The following C11orf24 variants were observed in gnomAD, a reference collection of about 807,000 sequenced individuals.
C11orf24 encodes uncharacterized protein C11orf24.
C11orf24 carries 5 observed loss-of-function variants against 7.3 expected under a neutral mutation model. The observed-to-expected ratio is 0.69, with a 90% CI of 0.36 to 1.45. C11orf24 has a LOEUF of 1.45. Among genes scored for constraint, C11orf24 ranks in the 40% most tolerant of loss-of-function variants. C11orf24 has a pLI of 0.03. For synonymous variants in C11orf24, 233 were observed against 235.7 expected (o/e 0.99, Z 0.11); for missense variants, 566 against 590.5 (o/e 0.96, Z 0.43).
rs752826933 is a variant in C11orf24 at position 68,262,421 on chromosome 11, G to T, written c.574C>A (p.Leu192Ile). Residue 192 changes from leucine (L) to isoleucine (I), a missense_variant, in exon 4 of 4, where the codon CTC (leucine) becomes ATC (isoleucine). By Grantham distance (5) the Leu-to-Ile change is conservative. Coordinates refer to ENST00000304271, the MANE Select transcript of C11orf24 (RefSeq NM_022338.4). ...ATGHPSLSTALAQVPKSSALP... is the reference protein window; with the variant it reads ...ATGHPSLSTAIAQVPKSSALP... ...GCGCTGCTCTTTGGCACTTGTGCGA[G>T]GGCTGTGCTGAGAGATGGATGCCCA... 10 of 1,614,078 alleles carry T rather than the reference G, an allele frequency of 6.2e-6. No homozygotes were observed. In the East Asian group the frequency reaches 2.0e-4, roughly 32 times the overall value.
Position 68,262,571 on chromosome 11 carries a change from C to G in C11orf24, c.424G>C (p.Val142Leu). The G allele has an allele frequency of 6.2e-7, 1 of 1,608,606 alleles. No individual in the cohort carries two copies. The highest frequency in any genetic ancestry group is 8.5e-7 in the Non-Finnish European group (1 of 1,175,970). ...GCAGTCGTGGGAGCAATGGAGGCCA[C>G]AGTTGTACTGGAGGCTGCAGTCGTG... The part of the protein sequence containing the change: ...APTTAASSTT[V>L]ASIAPTTAAS... Residue 142 changes from valine (V) to leucine (L), a missense_variant, in exon 4 of 4, where the codon GTG becomes CTG. Val to Leu is a conservative substitution (Grantham distance 32, BLOSUM62 1). Coordinates refer to ENST00000304271, the MANE Select transcript of C11orf24 (RefSeq NM_022338.4).
At position 68,261,717 on chromosome 11, in the gene C11orf24, C is replaced by G; in HGVS notation, c.1278G>C (p.Glu426Asp). 6.2e-7 allele frequency: 1 copy of G among 1,614,182 alleles called. No homozygotes were observed. The highest frequency in any genetic ancestry group is 8.5e-7 in the Non-Finnish European group (1 of 1,180,042). ...VLVLFALQAY[E>D]SYKKKDYTQV... ...GGGTGTAGTCCTTCTTCTTGTAGCT[C>G]TCATAGGCCTGCAGGGCAAACAAAA... is the stretch of plus-strand genomic sequence containing the variant. Residue 426 changes from glutamate (E) to aspartate (D), a missense_variant, in exon 4 of 4, where the codon GAG becomes GAC. Coordinates refer to ENST00000304271, the MANE Select transcript of C11orf24 (RefSeq NM_022338.4).
Position 68,262,652 on chromosome 11 carries a change from T to G in C11orf24, c.343A>C (p.Thr115Pro). 1 of 1,613,862 alleles carries G rather than the reference T, an allele frequency of 6.2e-7. No individual in the cohort carries two copies. Among genetic ancestry groups the G allele is most frequent in the Non-Finnish European group, 8.5e-7 (1 of 1,179,966 alleles). ...GCCGCAGTCGTAATGGAGGCCGCAG[T>G]CGTACTGGAGGCCACAGCCGTGGGA... ...IAPTAVASST[T>P]AASITTAASS... is the part of the protein sequence containing the mutation. Residue 115 changes from threonine to proline, a missense_variant, in exon 4 of 4, where the codon ACT becomes CCT. Transcript: ENST00000304271.
In C11orf24 at chr11:68,262,398, G is replaced by A. The variant is rs762847318; in HGVS notation, c.597C>T (p.Ser199=). ...STALAQVPKS[S]ALPRTATLAT... ...CCAGGGTTGCTGTTCTTGGCAACGC[G>A]CTGCTCTTTGGCACTTGTGCGAGGG... The change falls in exon 4 of 4, where the codon AGC becomes AGT. Residue 199 remains serine (S), a synonymous_variant. Coordinates refer to ENST00000304271, the MANE Select transcript of C11orf24 (RefSeq NM_022338.4). 47 of 1,614,062 alleles carry A rather than the reference G, an allele frequency of 2.9e-5. No homozygotes were observed. Among genetic ancestry groups the A allele is most frequent in the East Asian group, 4.5e-5 (2 of 44,906 alleles).
chr11:68,268,876 A>G (rs2098566534), intron 1 of C11orf24, among the ~76,000 whole-genome samples: 2 of 152,260 alleles, frequency 1.3e-5, no homozygotes, highest in South Asian at 4.1e-4. Context: ...TATATAAAAT[A>G]CTATGGCAAC....
intron 2 of C11orf24, among the ~76,000 whole-genome samples, chr11:68,266,519 C>T (rs1264240201): frequency 6.6e-6 from 1 of 152,192 alleles, no homozygotes; most frequent in African/African-American, 2.4e-5. Flanking sequence ...TCTGTAAGGG[C>T]TCCTAATGTG....
rs1371377108 is a variant in C11orf24, at chr11:68,262,049, C to T, written c.946G>A (p.Glu316Lys). Residue 316 changes from glutamate (E) to lysine (K), a missense_variant, in exon 4 of 4, where the codon GAG becomes AAG. Physicochemically the swap from Glu to Lys is moderately conservative, Grantham distance 56. Coordinates refer to ENST00000304271, the MANE Select transcript of C11orf24 (RefSeq NM_022338.4). ...GTCGTGGGGGACATGGCCTCCATCT[C>T]AGGGATTGGGCTGGTGTGAGGTACT... Reference protein sequence around the residue: ...VPVPHTSPIPEMEAMSPTTQP... With the variant: ...VPVPHTSPIPKMEAMSPTTQP... 6.2e-7 allele frequency: 1 copy of T among 1,613,584 alleles called. No individual in the cohort carries two copies. Among genetic ancestry groups the T allele is most frequent in the African/African-American group, 1.3e-5 (1 of 74,748 alleles).
rs199724794 is a variant in C11orf24, at chr11:68,261,817, G to A, written c.1178C>T (p.Thr393Ile). ...GAGAGTTTTGTCTACCACGGCCTGGGTGAGGGGCTCAGTGGTGACCACCAT... is the reference window on the plus strand; with the variant it reads ...GAGAGTTTTGTCTACCACGGCCTGGATGAGGGGCTCAGTGGTGACCACCAT... The part of the protein sequence containing the change: ...QYMVVTTEPL[T>I]QAVVDKTLLL... The change falls in exon 4 of 4, where the codon ACC becomes ATC. Residue 393 changes from threonine (T) to isoleucine (I), a missense_variant. Thr to Ile is a moderately conservative substitution (Grantham distance 89). Transcript: ENST00000304271. 1 of 1,614,208 alleles carries A rather than the reference G, an allele frequency of 6.2e-7. No individual in the cohort carries two copies. Among genetic ancestry groups the A allele is most frequent in the Admixed American group, 1.7e-5 (1 of 60,034 alleles).
intron 2 of C11orf24, 67 bp downstream of exon 2, chr11:68,267,987 G>C (rs943363295): frequency 3.3e-5 from 5 of 152,482 alleles, no homozygotes; most frequent in African/African-American, 4.8e-5. Flanking sequence ...ATCTTGCAAA[G>C]CTCCCTCTGG....
chr11:68,263,457 G>T lies in C11orf24; in HGVS notation c.76+235C>A. On this transcript the variant is annotated intron_variant, in intron 3 of 3. Coordinates refer to ENST00000304271, the MANE Select transcript of C11orf24 (RefSeq NM_022338.4). ...CAATTTAGAGATGACATCAAATCTT[G>T]CAGGCCAAGCGAGCAAACCTTTCAG... The T allele has an allele frequency of 1.3e-5, 7 of 538,646 alleles. 1 individual carries two copies. In the South Asian group the frequency reaches 1.8e-4, roughly 14 times the overall value. 33.4% of individuals were successfully genotyped at this position (538,646 alleles called of 1,614,324 possible). A position where few individuals can be genotyped will look rare whatever the true frequency, so the allele number is the denominator to read the frequency against.
intron 2 of C11orf24, chr11:68,266,997 T>A (rs192615093): frequency 6.6e-6 from 1 of 152,332 alleles, no homozygotes; most frequent in East Asian, 1.9e-4. Context: ...ACTTTCTCTA[T>A]AGAGGACAGG....
rs1199546451 is a variant in C11orf24 at position 68,262,024 on chromosome 11, G to A, written c.971C>T (p.Thr324Ile). Residue 324 changes from threonine (T) to isoleucine (I), a missense_variant, in exon 4 of 4, where the codon ACA becomes ATA. Transcript: ENST00000304271. ...GGTATATGGCATGGGGCTTGGCTGT[G>A]TCGTGGGGGACATGGCCTCCATCTC... Reference protein sequence around the residue: ...IPEMEAMSPTTQPSPMPYTQR... With the variant: ...IPEMEAMSPTIQPSPMPYTQR... The A allele has an allele frequency of 3.1e-6, 5 of 1,614,060 alleles. No homozygotes were observed. Among genetic ancestry groups the A allele is most frequent in the African/African-American group, 1.3e-5 (1 of 75,014 alleles).
At chr11:68,267,464 G>C (rs2098565781) in intron 2 of C11orf24, 1 of 152,252 alleles carries the variant, frequency 6.6e-6, no homozygotes, top group Non-Finnish European at 1.5e-5. Flanking sequence ...ACCTCTTGAG[G>C]TAACTTGCAT....
chr11:68,261,989 C>A lies in C11orf24; in HGVS notation c.1006G>T (p.Ala336Ser), dbSNP rs537456092. ...GGTGCCTGGGATGTGCCTGGCCCAG[C>A]GGCCCTCTGGGTATATGGCATGGGG... is the stretch of plus-strand genomic sequence containing the variant. The part of the protein sequence containing the change: ...PSPMPYTQRA[A>S]GPGTSQAPEQ... Residue 336 changes from alanine to serine, a missense_variant, in exon 4 of 4, where the codon GCT (alanine) becomes TCT (serine). By Grantham distance (99) the Ala-to-Ser change is moderately conservative. Coordinates refer to ENST00000304271, the MANE Select transcript of C11orf24 (RefSeq NM_022338.4). The A allele has an allele frequency of 2.5e-6, 4 of 1,614,026 alleles. No homozygotes were observed. The South Asian group carries it at 4.4e-5, about 18-fold the overall frequency.
rs775781848 is a variant in C11orf24, at chr11:68,262,552, G to A, written c.443C>T (p.Thr148Met). 19 of 1,609,730 alleles carry A rather than the reference G, an allele frequency of 1.2e-5. No homozygotes were observed. Among genetic ancestry groups the A allele is most frequent in the African/African-American group, 6.7e-5 (5 of 74,762 alleles). Reference sequence around the variant, plus strand: ...CGCAGTCATACTGGAGGCTGCAGTCGTGGGAGCAATGGAGGCCACAGTTGT... The same window carrying A: ...CGCAGTCATACTGGAGGCTGCAGTCATGGGAGCAATGGAGGCCACAGTTGT... ...SSTTVASIAP[T>M]TAASSMTAAS... Residue 148 changes from threonine to methionine, a missense_variant, in exon 4 of 4, where the codon ACG becomes ATG. By Grantham distance (81) the Thr-to-Met change is moderately conservative. Coordinates refer to ENST00000304271, the MANE Select transcript of C11orf24 (RefSeq NM_022338.4).
At chr11:68,266,252 C>T (rs779790475) in intron 2 of C11orf24, among the ~76,000 whole-genome samples, 14 of 152,224 alleles carry the variant, frequency 9.2e-5, no homozygotes, top group Non-Finnish European at 1.5e-4. Flanking sequence ...CCCAGCATGG[C>T]GCCTGGCTTA....
intron 1 of C11orf24, among the ~76,000 whole-genome samples, chr11:68,268,926 G>A (rs962424673): frequency 6.6e-6 from 1 of 152,184 alleles, no homozygotes. Flanking sequence ...GACATGGGAA[G>A]ATATATAGCA....
At chr11:68,271,174 G>C (rs2098567732) in intron 1 of C11orf24, among the ~76,000 whole-genome samples, 1 of 152,184 alleles carries the variant, frequency 6.6e-6, no homozygotes, top group Admixed American at 6.5e-5. Flanking sequence ...CCTGGGGCGA[G>C]GGATAGCTGC....
chr11:68,262,654 G>T lies in C11orf24; in HGVS notation c.341C>A (p.Thr114Lys). ...CGCAGTCGTAATGGAGGCCGCAGTCGTACTGGAGGCCACAGCCGTGGGAGC... is the reference window on the plus strand; with the variant it reads ...CGCAGTCGTAATGGAGGCCGCAGTCTTACTGGAGGCCACAGCCGTGGGAGC... ...SIAPTAVASS[T>K]TAASITTAAS... Residue 114 changes from threonine to lysine, a missense_variant, in exon 4 of 4, where the codon ACG becomes AAG. By Grantham distance (78) the Thr-to-Lys change is moderately conservative. Transcript: ENST00000304271. 6.2e-7 allele frequency: 1 copy of T among 1,613,976 alleles called. No homozygotes were observed. The highest frequency in any genetic ancestry group is 1.1e-5 in the South Asian group (1 of 91,052).
Sources: allele counts gnomAD v4.1 joint callset (sites outside exome capture counted in the v4.1 genomes callset), GRCh38; gene constraint gnomAD v4.1.1; transcripts MANE v1.5; gene names NCBI Gene and HGNC (gene_info 2026-07-23, HGNC 2026-07-21).